Variants in RAVER2 observed in about 807,000 individuals in gnomAD.
The protein encoded by RAVER2 is ribonucleoprotein, PTB binding 2.
In RAVER2, 46 loss-of-function variants were observed where a neutral mutation model predicts 78.1. The observed-to-expected ratio is 0.59, with a 90% CI of 0.46 to 0.75. The LOEUF (loss-of-function observed/expected upper bound fraction) is 0.75. Among genes scored for constraint, RAVER2 ranks in the 30% least tolerant of loss-of-function variants. RAVER2 has a pLI of 0.00. For synonymous variants in RAVER2, 311 were observed against 313.3 expected, an observed-to-expected ratio of 0.99 and a Z score of 0.08; for missense variants, 793 against 837.5, an observed-to-expected ratio of 0.95 and a Z score of 0.66.
intron 10 of RAVER2, 34 bp from the exon 11 acceptor site, chr1:64,814,665 ATAACC>A: frequency 8.4e-7 from 1 of 1,190,918 alleles, no homozygotes; most frequent in Non-Finnish European, 1.1e-6. Context: ...TTATAATAAA[ATAACC>A]TAAATAAAAT....
intron 1 of RAVER2, among the ~76,000 whole-genome samples, chr1:64,763,957 C>CT (rs1652102573): frequency 6.6e-6 from 1 of 151,446 alleles, no homozygotes; most frequent in African/African-American, 2.4e-5. Flanking sequence ...CACACACACC[C>CT]CTACCATGTA....
chr1:64,782,864 A>G (rs557259302), intron 4 of RAVER2, among the ~76,000 whole-genome samples: 3 of 152,234 alleles, frequency 2.0e-5, no homozygotes, highest in African/African-American at 4.8e-5. Context: ...ATTTCTCCCA[A>G]TGCTATCAAT....
intron 2 of RAVER2, among the ~76,000 whole-genome samples, chr1:64,774,770 A>G (rs990147003): frequency 3.3e-5 from 5 of 152,148 alleles, no homozygotes; most frequent in African/African-American, 1.2e-4. Flanking sequence ...TTTGGGCAGT[A>G]TGGCCATTTT....
chr1:64,792,179 A>T (rs958149710), intron 5 of RAVER2, among the ~76,000 whole-genome samples: 14 of 152,170 alleles, frequency 9.2e-5, no homozygotes, highest in Non-Finnish European at 1.9e-4. Context: ...TTTGCAGATT[A>T]CAGTTCTATA....
chr1:64,772,703 CTTATAGGCAAGGG>C (rs1652353842), intron 2 of RAVER2, among the ~76,000 whole-genome samples: 2 of 152,058 alleles, frequency 1.3e-5, no homozygotes, highest in Admixed American at 6.6e-5. Context: ...GGGGAGTGAT[CTTATAGGCAAGGG>C]AATTAAATGT....
intron 5 of RAVER2, among the ~76,000 whole-genome samples, chr1:64,795,776 A>G (rs968949413): frequency 6.6e-6 from 1 of 152,004 alleles, no homozygotes. Flanking sequence ...CCTTTCCAAC[A>G]TGTATGGCTT....
intron 2 of RAVER2, among the ~76,000 whole-genome samples, chr1:64,774,318 G>A (rs1251906767): frequency 6.6e-6 from 1 of 152,098 alleles, no homozygotes; most frequent in South Asian, 2.1e-4. Flanking sequence ...TAGGTCTTAC[G>A]TTTAAGTCTT....
At chr1:64,811,808 G>A (rs917670607) in intron 9 of RAVER2, among the ~76,000 whole-genome samples, 17 of 152,162 alleles carry the variant, frequency 1.1e-4, no homozygotes, top group African/African-American at 4.1e-4. Flanking sequence ...CCACTGTGTA[G>A]GGGGTTGGCA....
chr1:64,791,681 T>C (rs1398510759), intron 5 of RAVER2, among the ~76,000 whole-genome samples: 2 of 152,234 alleles, frequency 1.3e-5, no homozygotes, highest in African/African-American at 4.8e-5. Flanking sequence ...AGTATAGAGA[T>C]ACTCTTTTTT....
chr1:64,803,674 T>G (rs1653332174), intron 6 of RAVER2, among the ~76,000 whole-genome samples: 4 of 152,212 alleles, frequency 2.6e-5, no homozygotes, highest in Admixed American at 2.6e-4. Flanking sequence ...ATCCAGCTTT[T>G]ATTTTTCATC....
At chr1:64,755,716 G>A (rs1178652291) in intron 1 of RAVER2, among the ~76,000 whole-genome samples, 2 of 106,610 alleles carry the variant, frequency 1.9e-5, no homozygotes, top group Non-Finnish European at 3.7e-5. Context: ...CTGACTTTAT[G>A]CTTCATAGTT....
At chr1:64,747,843 A>C (rs1651586439) in intron 1 of RAVER2, among the ~76,000 whole-genome samples, 1 of 152,130 alleles carries the variant, frequency 6.6e-6, no homozygotes. Flanking sequence ...ATATCACTTT[A>C]AGGATCAAAG....
chr1:64,818,634 A>G (rs1653813054), intron 11 of RAVER2, among the ~76,000 whole-genome samples: 1 of 152,210 alleles, frequency 6.6e-6, no homozygotes, highest in Admixed American at 6.5e-5. Flanking sequence ...AAACGGGAGA[A>G]TTATTCCTTG....
intron 1 of RAVER2, among the ~76,000 whole-genome samples, chr1:64,766,554 G>C (rs1353178865): frequency 6.6e-6 from 1 of 152,174 alleles, no homozygotes; most frequent in Non-Finnish European, 1.5e-5. Context: ...TATGAGTAGA[G>C]ATATGGGTGT....
intron 1 of RAVER2, among the ~76,000 whole-genome samples, chr1:64,763,917 T>TACACACACAC (rs58298918): frequency 0.044 from 5,926 of 133,694 alleles, 168 homozygotes; most frequent in East Asian, 0.11. Flanking sequence ...AAAACAAAAA[T>TACACACACAC]ACACACACAC....
At chr1:64,809,489 A>AAAAT (rs10691863) in intron 9 of RAVER2, among the ~76,000 whole-genome samples, 28,279 of 147,332 alleles carry the variant, frequency 0.19, 3,181 homozygotes, top group African/African-American at 0.3. Context: ...CTCTAGTGCA[A>AAAAT]AAATAAATAA....
At chr1:64,787,505 A>G (rs758650467) in intron 4 of RAVER2, among the ~76,000 whole-genome samples, 1 of 152,012 alleles carries the variant, frequency 6.6e-6, no homozygotes, top group African/African-American at 2.4e-5. Context: ...GCCTCTCTTC[A>G]TTTCCACCCC....
intron 1 of RAVER2, among the ~76,000 whole-genome samples, chr1:64,759,610 G>A (rs1395569538): frequency 2.7e-5 from 4 of 150,914 alleles, no homozygotes; most frequent in Non-Finnish European, 4.4e-5. Context: ...TTTGCCTCCC[G>A]GGTTCACGCC....
chr1:64,833,103 T>TTGTC (rs1462676631), exon 12 of RAVER2: 1 of 181,126 alleles, frequency 5.5e-6, no homozygotes, highest in African/African-American at 2.4e-5. Context: ...GTTTGTTTGT[T>TTGTC]TGTTAGTAGT....
Sources: allele counts gnomAD v4.1 joint callset (sites outside exome capture counted in the v4.1 genomes callset), GRCh38; gene constraint gnomAD v4.1.1; transcripts MANE v1.5; gene names NCBI Gene and HGNC (gene_info 2026-07-23, HGNC 2026-07-21).